Variants in PDPK1 observed in about 807,000 individuals in gnomAD.
PDPK1 encodes 3-phosphoinositide-dependent protein kinase 1.
A neutral mutation model predicts 39.8 loss-of-function variants in PDPK1; 7 were observed. The ratio of observed to expected loss-of-function variants is 0.18; its 90% confidence interval spans 0.10 to 0.33. The LOEUF (loss-of-function observed/expected upper bound fraction) is 0.33, where lower values mean the gene tolerates loss of function less well. PDPK1 is among the 10% of genes least tolerant of loss of function. The probability of loss-of-function intolerance (pLI) is 1.00; values close to 1 mark genes in which losing one functional copy is unlikely to be tolerated. For missense variants in PDPK1, 182 were observed against 384.7 expected, an observed-to-expected ratio of 0.47 and a Z score of 4.41; for synonymous variants, 118 against 159.1, an observed-to-expected ratio of 0.74 and a Z score of 1.95.
intron 11 of PDPK1, among the ~76,000 whole-genome samples, chr16:2,592,335 G>A (rs1372279136): frequency 1.3e-5 from 2 of 152,190 alleles, no homozygotes; most frequent in African/African-American, 4.8e-5. Context: ...ATGAGAGTGA[G>A]GTGCCTCGGG....
intron 1 of PDPK1, among the ~76,000 whole-genome samples, chr16:2,540,374 C>G (rs947576865): frequency 7.2e-5 from 11 of 152,236 alleles, no homozygotes; most frequent in Admixed American, 1.3e-4. Context: ...TAGGTACTTT[C>G]ACACCTCATT....
rs755812280 is a variant in PDPK1, at chr16:2,586,683, A to G, written c.1133A>G (p.Asn378Ser). 1.9e-5 allele frequency: 30 copies of G among 1,613,984 alleles called. No homozygotes were observed. The highest frequency in any genetic ancestry group is 3.3e-5 in the Admixed American group (2 of 60,006). The change falls in exon 11 of 14, where the codon AAT (asparagine) becomes AGT (serine). Residue 378 changes from asparagine (N) to serine (S), a missense_variant. By Grantham distance (46) the Asn-to-Ser change is conservative (BLOSUM62 1). This residue lies in a region of PDPK1 where 90 missense variants were observed against 111.9 expected (regional missense o/e 0.80). Transcript: ENST00000342085. ...TTCCCTTCTTCTCTGCAGTATGACA[A>G]TCTCCTGAGCCAGTTTGGCTGCATG... ...DDEDCYGNYD[N>S]LLSQFGCMQV...
chr16:2,597,931 C>T lies in PDPK1; in HGVS notation c.*164C>T. On this transcript the variant is annotated 3_prime_UTR_variant, in exon 14 of 14. Transcript: ENST00000342085. The surrounding 1 kb of genome is among the most constrained non-coding windows in gnomAD (Gnocchi z 6.3). Reference sequence around the variant, plus strand: ...TTAAAAGAAAAGAAGAAAAAAAACACCCAACCACACAAAGAACAAAACCAG... The same window carrying T: ...TTAAAAGAAAAGAAGAAAAAAAACATCCAACCACACAAAGAACAAAACCAG... 1.7e-6 allele frequency: 1 copy of T among 591,764 alleles called. No individual in the cohort carries two copies. Among genetic ancestry groups the T allele is most frequent in the Non-Finnish European group, 3.0e-6 (1 of 333,364 alleles). The allele number at this position is 591,764 out of a possible 1,614,324, so 36.7% of individuals were successfully genotyped here.
Position 2,538,591 on chromosome 16 carries a change from C to T in PDPK1, c.24+455C>T, listed in dbSNP as rs1270642548. ...AAGGTGCAAGTTCTTGCTGAAAGCA[C>T]CTGATGCTCCTGGGCCCCCTTTTCC... On this transcript the variant is annotated intron_variant, in intron 1 of 13. Transcript: ENST00000342085. 22 of 1,287,442 alleles carry T rather than the reference C, an allele frequency of 1.7e-5. No homozygotes were observed. In the East Asian group the frequency reaches 8.9e-4, roughly 52 times the overall value. 79.8% of individuals were successfully genotyped at this position (1,287,442 alleles called of 1,614,324 possible).
intron 12 of PDPK1, among the ~76,000 whole-genome samples, 171 bp downstream of exon 12, chr16:2,596,021 G>T (rs1161889499): frequency 6.6e-6 from 1 of 152,210 alleles, no homozygotes; most frequent in Non-Finnish European, 1.5e-5. Flanking sequence ...GAGAAGCCAT[G>T]TGGAGCCACA....
In PDPK1 at chr16:2,602,965, T is replaced by G; in HGVS notation, c.*5198T>G. The stretch of plus-strand genomic sequence containing the variant: ...GGGGCCACGTTGTTGTATGTATTGA[T>G]GTACAGCCTTGAATGTGAATAATTA... On this transcript the variant is annotated 3_prime_UTR_variant, in exon 14 of 14. Coordinates refer to ENST00000342085, the MANE Select transcript of PDPK1 (RefSeq NM_002613.5). The G allele has an allele frequency of 1.3e-5, 3 of 232,082 alleles. No homozygotes were observed. Among genetic ancestry groups the G allele is most frequent in the Non-Finnish European group, 2.6e-5 (3 of 117,070 alleles). The allele number at this position is 232,082 out of a possible 1,614,324, so 14.4% of individuals were successfully genotyped here.
At chr16:2,538,900 C>G in intron 1 of PDPK1, 1 of 581,694 alleles carries the variant, frequency 1.7e-6, no homozygotes, top group Non-Finnish European at 2.6e-6. Context: ...TTTATGTTTT[C>G]CATATGCTAA....
chr16:2,547,205 C>A (rs2066366147), intron 1 of PDPK1, among the ~76,000 whole-genome samples: 1 of 149,710 alleles, frequency 6.7e-6, no homozygotes, highest in African/African-American at 2.6e-5. Flanking sequence ...AGGCTGACGG[C>A]TGCTCATTTC....
chr16:2,552,594 C>T (rs1220807627), intron 1 of PDPK1, among the ~76,000 whole-genome samples: 4 of 124,608 alleles, frequency 3.2e-5, no homozygotes, highest in Non-Finnish European at 5.0e-5. Context: ...CATTGAGTGG[C>T]GCGGGGGGAT....
intron 2 of PDPK1, among the ~76,000 whole-genome samples, chr16:2,561,074 C>T (rs1188418357): frequency 1.4e-5 from 2 of 145,372 alleles, no homozygotes; most frequent in African/African-American, 5.3e-5. Context: ...TCAGGGCAGC[C>T]TTTGCAATGA....
chr16:2,538,071 G>A lies in PDPK1; in HGVS notation c.-42G>A. The A allele has an allele frequency of 2.0e-6, 2 of 1,000,748 alleles. No homozygotes were observed. Among genetic ancestry groups the A allele is most frequent in the South Asian group, 4.6e-5 (1 of 21,748 alleles). 62.0% of individuals were successfully genotyped at this position (1,000,748 alleles called of 1,614,324 possible). A position where few individuals can be genotyped will look rare whatever the true frequency, so the allele number is the denominator to read the frequency against. The stretch of plus-strand genomic sequence containing the variant: ...GAGGACGCTGAGGAGGCGCCGAGCC[G>A]CGCAGCGCTGCGGGGGAGGCGCCCG... On this transcript the variant is annotated 5_prime_UTR_variant, in exon 1 of 14. Coordinates refer to ENST00000342085, the MANE Select transcript of PDPK1 (RefSeq NM_002613.5).
chr16:2,552,483 G>C (rs1416563797), intron 1 of PDPK1, among the ~76,000 whole-genome samples: 1 of 151,416 alleles, frequency 6.6e-6, no homozygotes, highest in African/African-American at 2.4e-5. Flanking sequence ...GCTCGGGCTG[G>C]GGCTGGCTGA....
rs111957172 is a variant in PDPK1, at chr16:2,593,424, T to C, written c.1344-2369T>C. ...TAGGTGGAGGTGGTTTCGTCCTCTT[T>C]CCGTGGCTCCCACAGCTCAGTGCTG... On this transcript the variant is annotated intron_variant, in intron 11 of 13. Transcript: ENST00000342085. The surrounding 1 kb of genome is among the most constrained non-coding windows in gnomAD (Gnocchi z 4.2). 1 of 319,756 alleles carries C rather than the reference T, an allele frequency of 3.1e-6. No homozygotes were observed. Among genetic ancestry groups the C allele is most frequent in the Non-Finnish European group, 6.0e-6 (1 of 166,178 alleles). 19.8% of individuals were successfully genotyped at this position (319,756 alleles called of 1,614,324 possible).
intron 11 of PDPK1, chr16:2,592,955 T>C (rs994410989): frequency 2.2e-6 from 1 of 456,644 alleles, no homozygotes; most frequent in Admixed American, 2.3e-5. Context: ...ACTGAGCCAC[T>C]CTGGGGCTTC....
At chr16:2,586,001 T>C (rs2066866607) in intron 10 of PDPK1, among the ~76,000 whole-genome samples, 3 of 152,214 alleles carry the variant, frequency 2.0e-5, no homozygotes, top group Admixed American at 2.0e-4. Context: ...CCAGGGACTC[T>C]CTGGCCTTGG....
intron 1 of PDPK1, among the ~76,000 whole-genome samples, chr16:2,551,909 G>T (rs576107990): frequency 2.0e-5 from 3 of 151,266 alleles, no homozygotes; most frequent in African/African-American, 7.3e-5. Context: ...CAGATGATGC[G>T]CCTGCCTCGG....
In PDPK1 at chr16:2,539,748, A is replaced by T. The variant is rs115105115; in HGVS notation, c.24+1612A>T. Among the ~76,000 whole-genome samples, 535 of 152,284 alleles carry T rather than the reference A, an allele frequency of 3.5e-3. 4 individuals are homozygous for T. The highest frequency in any genetic ancestry group is 0.012 in the African/African-American group (491 of 41,552). Reference sequence around the variant, plus strand: ...AGTTATGTCGAAGTTTGTGAGGTTAACCTGCACCCAGTGACAGTCATGGCG... The same window carrying T: ...AGTTATGTCGAAGTTTGTGAGGTTATCCTGCACCCAGTGACAGTCATGGCG... On this transcript the variant is annotated intron_variant, in intron 1 of 13. Transcript: ENST00000342085.
chr16:2,597,858 A>G lies in PDPK1; in HGVS notation c.*91A>G, dbSNP rs1054391185. On this transcript the variant is annotated 3_prime_UTR_variant, in exon 14 of 14. Coordinates refer to ENST00000342085, the MANE Select transcript of PDPK1 (RefSeq NM_002613.5). The surrounding 1 kb of genome is among the most constrained non-coding windows in gnomAD (Gnocchi z 6.3). Reference sequence around the variant, plus strand: ...CCGGGACGCTTCCAGACCACCTGCCAGCCATCACAAGGGGAACGCAGAGGC... The same window carrying G: ...CCGGGACGCTTCCAGACCACCTGCCGGCCATCACAAGGGGAACGCAGAGGC... 2.9e-5 allele frequency: 22 copies of G among 771,734 alleles called. No individual in the cohort carries two copies. The highest frequency in any genetic ancestry group is 4.2e-5 in the Non-Finnish European group (19 of 449,474). 47.8% of individuals were successfully genotyped at this position (771,734 alleles called of 1,614,324 possible).
At chr16:2,541,393 G>A (rs1379606143) in intron 1 of PDPK1, among the ~76,000 whole-genome samples, 4 of 152,216 alleles carry the variant, frequency 2.6e-5, no homozygotes, top group South Asian at 4.1e-4. Flanking sequence ...ACTGGGAAGC[G>A]CTGCAGAAAT....
Sources: allele counts gnomAD v4.1 joint callset (sites outside exome capture counted in the v4.1 genomes callset), GRCh38; gene constraint gnomAD v4.1.1; regional missense constraint gnomAD v4.1.1; non-coding constraint Gnocchi (gnomAD v3.1); transcripts MANE v1.5; gene names NCBI Gene and HGNC (gene_info 2026-07-23, HGNC 2026-07-21).